The following BRD9 variants were observed in gnomAD, a reference collection of about 807,000 sequenced individuals.
The protein encoded by BRD9 is bromodomain-containing protein 9.
In BRD9, 47 loss-of-function variants were observed where a neutral mutation model predicts 68.7. The observed-to-expected ratio is 0.68, with a 90% CI of 0.54 to 0.87. The LOEUF (loss-of-function observed/expected upper bound fraction) is 0.87, where lower values mean the gene tolerates loss of function less well. Ranked by LOEUF, BRD9 falls within the 40% of genes least tolerant of loss-of-function variation. BRD9 has a pLI of 0.00. For synonymous variants in BRD9, 313 were observed against 293.9 expected, an observed-to-expected ratio of 1.06 and a Z score of -0.67; for missense variants, 670 against 748.4, an observed-to-expected ratio of 0.90 and a Z score of 1.22.
intron 12 of BRD9, 73 bp from the exon 13 acceptor site, chr5:871,637 A>T: frequency 7.2e-7 from 1 of 1,387,618 alleles, no homozygotes; most frequent in East Asian, 2.3e-5. Context: ...CGCTGACATT[A>T]CACACACGTA....
At chr5:877,067 C>T (rs1014198362) in intron 11 of BRD9, among the ~76,000 whole-genome samples, 3 of 152,228 alleles carry the variant, frequency 2.0e-5, no homozygotes, top group Non-Finnish European at 4.4e-5. Context: ...AATGATCTTT[C>T]TTCACGGCAA....
chr5:883,600 G>A (rs1752117613), intron 8 of BRD9: 2 of 413,874 alleles, frequency 4.8e-6, no homozygotes, highest in Non-Finnish European at 4.6e-6. Flanking sequence ...CAAGGGCGGT[G>A]CCTCACGTCA....
At position 880,640 on chromosome 5, in the gene BRD9, A is replaced by G. The variant is rs190874683; in HGVS notation, c.1042+467T>C. 3.9e-3 allele frequency among the ~76,000 whole-genome samples: 593 copies of G among 152,328 alleles called. 3 individuals are homozygous for G. Among genetic ancestry groups the G allele is most frequent in the Non-Finnish European group, 6.1e-3 (417 of 68,020 alleles). On this transcript the variant is annotated intron_variant, in intron 9 of 15. Transcript: ENST00000467963. ...CAAGCCTCTTAATTACTTCCAGGCCAACAAAGTGCCCCTGACGGGCTGGAC... is the reference window on the plus strand; with the variant it reads ...CAAGCCTCTTAATTACTTCCAGGCCGACAAAGTGCCCCTGACGGGCTGGAC...
Position 870,580 on chromosome 5 carries a change from G to A in BRD9, c.1423-5C>T. The A allele has an allele frequency of 6.2e-7, 1 of 1,603,404 alleles. No homozygotes were observed. The highest frequency in any genetic ancestry group is 8.5e-7 in the Non-Finnish European group (1 of 1,171,072). Reference sequence around the variant, plus strand: ...GTCTCCTAGGGTGTCCCCAACCTGTGGAGACAGACACACATCAAGAGCAAT... The same window carrying A: ...GTCTCCTAGGGTGTCCCCAACCTGTAGAGACAGACACACATCAAGAGCAAT... On this transcript the variant is annotated splice_region_variant and splice_polypyrimidine_tract_variant and intron_variant, in intron 13 of 15. Transcript: ENST00000467963.
chr5:889,938 T>C, intron 3 of BRD9: 1 of 403,406 alleles, frequency 2.5e-6, no homozygotes, highest in Non-Finnish European at 4.7e-6. Flanking sequence ...ACCACTACTC[T>C]AGACAAGAAA....
intron 2 of BRD9, 21 bp downstream of exon 2, chr5:891,619 C>T: frequency 6.5e-7 from 1 of 1,549,094 alleles, no homozygotes; most frequent in Non-Finnish European, 8.7e-7. Flanking sequence ...AGCGTCCGGG[C>T]CACCGCCGCT....
intron 12 of BRD9, among the ~76,000 whole-genome samples, chr5:875,138 C>T (rs1750714411): frequency 1.3e-5 from 2 of 152,230 alleles, no homozygotes; most frequent in African/African-American, 4.8e-5. Context: ...CAGATCCCGT[C>T]CTGCCGAGGG....
chr5:883,117 G>A (rs943781564), intron 8 of BRD9: 8 of 356,854 alleles, frequency 2.2e-5, no homozygotes, highest in Non-Finnish European at 4.4e-5. Context: ...CCGCAACCTC[G>A]CAACACGCAA....
intron 8 of BRD9, 182 bp downstream of exon 8, chr5:883,756 C>T: frequency 1.2e-6 from 1 of 845,780 alleles, no homozygotes; most frequent in Non-Finnish European, 1.8e-6. Context: ...GCCAGAGGCA[C>T]CTGGACCCCG....
chr5:884,512 C>A (rs750971025), intron 7 of BRD9, among the ~76,000 whole-genome samples: 1 of 152,242 alleles, frequency 6.6e-6, no homozygotes, highest in Non-Finnish European at 1.5e-5. Flanking sequence ...GGACAGCAGC[C>A]CCCTCTGCTG....
chr5:865,833 C>T (rs934453774), intron 14 of BRD9: 7 of 431,490 alleles, frequency 1.6e-5, no homozygotes, highest in African/African-American at 1.0e-4. Context: ...GACCTAGCAC[C>T]GCACAGACCA....
At chr5:892,400 A>T (rs976298454) in intron 1 of BRD9, 2 of 1,203,780 alleles carry the variant, frequency 1.7e-6, no homozygotes, top group African/African-American at 1.6e-5. Context: ...AGAACCCTCT[A>T]CCAGGAACGT....
intron 1 of BRD9, chr5:892,193 G>A: frequency 2.3e-6 from 1 of 429,448 alleles, no homozygotes; most frequent in East Asian, 4.8e-5. Context: ...CCAGCACTTC[G>A]GTTCACCCTC....
intron 7 of BRD9, among the ~76,000 whole-genome samples, chr5:885,656 G>A (rs966184263): frequency 6.6e-6 from 1 of 152,232 alleles, no homozygotes; most frequent in African/African-American, 2.4e-5. Flanking sequence ...TGGGAAGACC[G>A]CGAGCCACAG....
chr5:874,838 C>T (rs1163727569), intron 12 of BRD9, among the ~76,000 whole-genome samples: 1 of 152,230 alleles, frequency 6.6e-6, no homozygotes, highest in Non-Finnish European at 1.5e-5. Context: ...GCATCAGAAA[C>T]TAATCTGCAG....
chr5:875,622 C>T (rs1385605429), intron 12 of BRD9, among the ~76,000 whole-genome samples: 1 of 152,168 alleles, frequency 6.6e-6, no homozygotes, highest in Non-Finnish European at 1.5e-5. Context: ...GCTGGGATTA[C>T]AAGTGTGAGC....
At chr5:877,967 G>A (rs146384130) in intron 11 of BRD9, among the ~76,000 whole-genome samples, 1 of 152,156 alleles carries the variant, frequency 6.6e-6, no homozygotes, top group Non-Finnish European at 1.5e-5. Context: ...GAGAGGGCTC[G>A]GGAGGAACCA....
chr5:887,844 GCA>G (rs1301338083), intron 5 of BRD9, among the ~76,000 whole-genome samples: 1 of 152,200 alleles, frequency 6.6e-6, no homozygotes, highest in African/African-American at 2.4e-5. Flanking sequence ...CAGGCGTGCG[GCA>G]CAGTGATAGC....
intron 12 of BRD9, among the ~76,000 whole-genome samples, chr5:874,393 C>T (rs907234705): frequency 3.3e-5 from 5 of 152,198 alleles, no homozygotes; most frequent in Non-Finnish European, 5.9e-5. Context: ...CATATTTTTA[C>T]GTTTTTTGCA....
Sources: gnomAD v4.1 joint callset for allele counts (sites outside exome capture counted in the v4.1 genomes callset) on GRCh38, gnomAD v4.1.1 for gene constraint, MANE v1.5 for transcripts, NCBI Gene and HGNC (gene_info 2026-07-23, HGNC 2026-07-21) for gene names.